NT5DC1: variants seen among roughly 807,000 people sequenced by gnomAD.
NT5DC1 encodes the protein 5'-nucleotidase domain containing 1, also known as 5'-nucleotidase domain-containing protein 1.
In NT5DC1, 42 loss-of-function variants were observed where a neutral mutation model predicts 59.4. That is an observed-to-expected ratio of 0.71 (90% CI 0.55 to 0.92). NT5DC1 has a LOEUF of 0.92. NT5DC1 is among the 40% of genes least tolerant of loss of function. NT5DC1 has a pLI of 0.00. For missense variants in NT5DC1, 501 were observed against 537.1 expected (o/e 0.93, Z 0.66); for synonymous variants, 172 against 188.1 (o/e 0.91, Z 0.70).
chr6:116,233,231 G>A (rs909987254), intron 8 of NT5DC1, among the ~76,000 whole-genome samples: 1 of 152,218 alleles, frequency 6.6e-6, no homozygotes, highest in Non-Finnish European at 1.5e-5. Context: ...TTTTAGGAAA[G>A]TAATACAGGT....
chr6:116,123,998 T>G (rs1375810428), intron 6 of NT5DC1, among the ~76,000 whole-genome samples: 1 of 152,220 alleles, frequency 6.6e-6, no homozygotes, highest in Non-Finnish European at 1.5e-5. Context: ...AAATTGTGTT[T>G]GTTGCTTCAA....
At chr6:116,210,779 A>G (rs1429780714) in intron 6 of NT5DC1, among the ~76,000 whole-genome samples, 1 of 152,092 alleles carries the variant, frequency 6.6e-6, no homozygotes, top group African/African-American at 2.4e-5. Context: ...AATTCCTCAG[A>G]TACAATGCTG....
At chr6:116,223,951 A>G (rs1781859145) in intron 8 of NT5DC1, among the ~76,000 whole-genome samples, 1 of 152,238 alleles carries the variant, frequency 6.6e-6, no homozygotes, top group African/African-American at 2.4e-5. Flanking sequence ...CTAGAAATCT[A>G]GCTGTATTTT....
Position 116,237,040 on chromosome 6 carries a change from C to T in NT5DC1, c.877C>T (p.Leu293Phe). ...GTACTCCCAAGGGAACGCTGTCCAC[C>T]TCTATGAACTTCTGAAGAAAATGAC... ...GWYSQGNAVH[L>F]YELLKKMTGK... is the part of the protein sequence containing the mutation. The change falls in exon 9 of 12, where the codon CTC (leucine) becomes TTC (phenylalanine). Residue 293 changes from leucine (L) to phenylalanine (F), a missense_variant. By Grantham distance (22) the Leu-to-Phe change is conservative. Coordinates refer to ENST00000319550, the MANE Select transcript of NT5DC1 (RefSeq NM_152729.3). The T allele has an allele frequency of 6.2e-7, 1 of 1,613,236 alleles. No individual in the cohort carries two copies. Among genetic ancestry groups the T allele is most frequent in the Non-Finnish European group, 8.5e-7 (1 of 1,179,248 alleles).
At chr6:116,207,776 C>CCT (rs1051820197) in intron 6 of NT5DC1, among the ~76,000 whole-genome samples, 19 of 152,044 alleles carry the variant, frequency 1.2e-4, no homozygotes, top group African/African-American at 4.3e-4. Context: ...TGTATTTCTA[C>CCT]CTGAGTCTCT....
chr6:116,204,865 C>T (rs1188255507), intron 6 of NT5DC1, among the ~76,000 whole-genome samples: 3 of 151,966 alleles, frequency 2.0e-5, no homozygotes, highest in Non-Finnish European at 4.4e-5. Flanking sequence ...GTTATAATTA[C>T]ATGGCTAGAT....
intron 6 of NT5DC1, among the ~76,000 whole-genome samples, chr6:116,129,077 A>G (rs1779398447): frequency 6.6e-6 from 1 of 152,070 alleles, no homozygotes; most frequent in Non-Finnish European, 1.5e-5. Context: ...TATTGTACCA[A>G]TTTACCTGTG....
rs1258607194 is a variant in NT5DC1, at chr6:116,244,569, A to T, written c.*545A>T. On this transcript the variant is annotated 3_prime_UTR_variant, in exon 12 of 12. Coordinates refer to ENST00000319550, the MANE Select transcript of NT5DC1 (RefSeq NM_152729.3). ...TGGGTAAATATGGCTGAGCGTTGTT[A>T]TCTTTTGTTATCTTTTATATGCCCT... 1.3e-5 allele frequency: 2 copies of T among 152,238 alleles called. No homozygotes were observed. The highest frequency in any genetic ancestry group is 2.9e-5 in the Non-Finnish European group (2 of 68,070). The allele number at this position is 152,238 out of a possible 1,614,324, so 9.4% of individuals were successfully genotyped here. A position where few individuals can be genotyped will look rare whatever the true frequency, so the allele number is the denominator to read the frequency against.
chr6:116,151,157 G>A (rs1780028059), intron 6 of NT5DC1, among the ~76,000 whole-genome samples: 1 of 151,918 alleles, frequency 6.6e-6, no homozygotes, highest in Non-Finnish European at 1.5e-5. Flanking sequence ...TTGCTTCCGG[G>A]CAGCTATCTA....
intron 6 of NT5DC1, among the ~76,000 whole-genome samples, chr6:116,124,233 A>C (rs532628600): frequency 6.6e-6 from 1 of 152,212 alleles, no homozygotes; most frequent in South Asian, 2.1e-4. Context: ...CAAAAGCATA[A>C]TATTTAAACT....
chr6:116,242,876 G>T (rs1771764002), intron 11 of NT5DC1, among the ~76,000 whole-genome samples: 1 of 152,110 alleles, frequency 6.6e-6, no homozygotes, highest in Non-Finnish European at 1.5e-5. Context: ...CTGCAGCCCT[G>T]CAAGACTGTC....
At chr6:116,170,703 C>T (rs565199978) in intron 6 of NT5DC1, among the ~76,000 whole-genome samples, 1 of 152,314 alleles carries the variant, frequency 6.6e-6, no homozygotes, top group South Asian at 2.1e-4. Flanking sequence ...GCTGTACCTC[C>T]CTACCCCAAA....
intron 6 of NT5DC1, among the ~76,000 whole-genome samples, chr6:116,164,434 T>A (rs1489265395): frequency 6.6e-6 from 1 of 152,224 alleles, no homozygotes; most frequent in Non-Finnish European, 1.5e-5. Flanking sequence ...CCCATTTGCA[T>A]GATATATCTT....
intron 1 of NT5DC1, among the ~76,000 whole-genome samples, 198 bp downstream of exon 1, chr6:116,101,221 C>T (rs1002474308): frequency 1.3e-5 from 2 of 152,154 alleles, no homozygotes; most frequent in Non-Finnish European, 2.9e-5. Flanking sequence ...TGGGGACCGG[C>T]ACATTTACCT....
chr6:116,197,986 A>G (rs983651479), intron 6 of NT5DC1, among the ~76,000 whole-genome samples: 1 of 152,072 alleles, frequency 6.6e-6, no homozygotes, highest in Non-Finnish European at 1.5e-5. Context: ...GTGGCAATTT[A>G]TGGCCCCAGG....
intron 8 of NT5DC1, among the ~76,000 whole-genome samples, chr6:116,224,322 A>G (rs57926671): frequency 0.1 from 15,298 of 152,236 alleles, 1,279 homozygotes; most frequent in African/African-American, 0.23. Context: ...GCTTATGAAC[A>G]GTGAAATCTA....
intron 6 of NT5DC1, among the ~76,000 whole-genome samples, chr6:116,171,969 C>T (rs1414701146): frequency 6.6e-6 from 1 of 152,094 alleles, no homozygotes; most frequent in Non-Finnish European, 1.5e-5. Context: ...GATGGATAGC[C>T]AGCTGTATGA....
chr6:116,166,976 C>G (rs777740511), intron 6 of NT5DC1, among the ~76,000 whole-genome samples: 19 of 151,978 alleles, frequency 1.3e-4, no homozygotes, highest in Non-Finnish European at 2.6e-4. Context: ...TTTGGGGAGC[C>G]TACTCTGTAC....
Position 116,100,948 on chromosome 6 carries a change from C to T in NT5DC1, c.18C>T (p.Ser6=). Residue 6 remains serine (S), a synonymous_variant, in exon 1 of 12, where the codon TCC becomes TCT. Coordinates refer to ENST00000319550, the MANE Select transcript of NT5DC1 (RefSeq NM_152729.3). MAQHF[S]LAACDVVGFD... ...GCGCAGCCATGGCTCAGCACTTCTC[C>T]CTGGCCGCCTGCGACGTGGTCGGAT... 1.2e-6 allele frequency: 2 copies of T among 1,604,288 alleles called. No individual in the cohort carries two copies. The highest frequency in any genetic ancestry group is 1.1e-5 in the South Asian group (1 of 90,080).
Sources: gnomAD v4.1 joint callset for allele counts (sites outside exome capture counted in the v4.1 genomes callset) on GRCh38, gnomAD v4.1.1 for gene constraint, MANE v1.5 for transcripts, NCBI Gene and HGNC (gene_info 2026-07-23, HGNC 2026-07-21) for gene names.